Variants in TMEM182 observed in about 807,000 individuals in gnomAD.
TMEM182 encodes transmembrane protein 182.
In TMEM182, 20 loss-of-function variants were observed where a neutral mutation model predicts 26.8. That is an observed-to-expected ratio of 0.75 (90% CI 0.53 to 1.09). TMEM182 has a LOEUF of 1.09. Ranked by LOEUF, TMEM182 falls within the 50% of genes least tolerant of loss-of-function variation. TMEM182 has a pLI of 0.00. For synonymous variants in TMEM182, 109 were observed against 102.2 expected (o/e 1.07, Z -0.40); for missense variants, 277 against 275.5 (o/e 1.01, Z -0.04).
At chr2:102,798,502 G>A (rs1681977747) in intron 4 of TMEM182, among the ~76,000 whole-genome samples, 1 of 152,106 alleles carries the variant, frequency 6.6e-6, no homozygotes, top group African/African-American at 2.4e-5. Flanking sequence ...ATTTATCATA[G>A]GTACAAAAAT....
At chr2:102,782,824 A>AT (rs992522413) in intron 3 of TMEM182, among the ~76,000 whole-genome samples, 3 of 152,052 alleles carry the variant, frequency 2.0e-5, no homozygotes, top group Admixed American at 6.5e-5. Context: ...GCATCAATAT[A>AT]TTTTTTTTCT....
intron 3 of TMEM182, chr2:102,775,622 T>C (rs1388837532): frequency 2.0e-5 from 3 of 152,134 alleles, no homozygotes; most frequent in Non-Finnish European, 2.9e-5. Context: ...GATGACATGA[T>C]TGTATATCTA....
At chr2:102,765,134 A>G (rs981020706) in intron 3 of TMEM182, among the ~76,000 whole-genome samples, 1 of 152,174 alleles carries the variant, frequency 6.6e-6, no homozygotes, top group Non-Finnish European at 1.5e-5. Context: ...AGAACACATA[A>G]ATATATATTA....
chr2:102,757,046 G>A (rs5010053), upstream of TMEM182, among the ~76,000 whole-genome samples: 25,308 of 151,974 alleles, frequency 0.17, 2,185 homozygotes, highest in East Asian at 0.2. Context: ...TCCTGACCTC[G>A]TGATCCACCT....
intron 4 of TMEM182, among the ~76,000 whole-genome samples, chr2:102,805,687 A>G (rs916377781): frequency 1.3e-5 from 2 of 152,154 alleles, no homozygotes; most frequent in African/African-American, 4.8e-5. Context: ...CATATGACAT[A>G]CTATAATGAG....
intron 4 of TMEM182, among the ~76,000 whole-genome samples, chr2:102,800,655 T>C (rs550738927): frequency 6.6e-6 from 1 of 151,960 alleles, no homozygotes; most frequent in African/African-American, 2.4e-5. Flanking sequence ...TTCTTTTTCC[T>C]TGCTTTTTTT....
At chr2:102,793,770 T>C (rs1011703445) in intron 3 of TMEM182, among the ~76,000 whole-genome samples, 1 of 152,224 alleles carries the variant, frequency 6.6e-6, no homozygotes, top group Non-Finnish European at 1.5e-5. Flanking sequence ...TAAATATTTT[T>C]GATCCATGGT....
Position 102,817,665 on chromosome 2 carries a change from A to AATATATTG in TMEM182, c.*2698_*2705dup. The stretch of plus-strand genomic sequence containing the variant: ...TGAAGATTAAATGGAATTATAAAGG[A>AATATATTG]ATATATTGGAGGAAGTGTCAGTGTT... On this transcript the variant is annotated 3_prime_UTR_variant, in exon 5 of 5. Transcript: ENST00000412401. 1.0e-6 allele frequency: 1 copy of AATATATTG among 982,144 alleles called. No homozygotes were observed. The highest frequency in any genetic ancestry group is 1.2e-6 in the Non-Finnish European group (1 of 826,964). The allele number at this position is 982,144 out of a possible 1,614,324, so 60.8% of individuals were successfully genotyped here.
chr2:102,775,990 A>G (rs1189508406), intron 3 of TMEM182, among the ~76,000 whole-genome samples: 1 of 152,140 alleles, frequency 6.6e-6, no homozygotes, highest in Non-Finnish European at 1.5e-5. Flanking sequence ...CCATGTGTTT[A>G]TTGCTAGTAT....
chr2:102,760,146 C>A (rs913313321), upstream of TMEM182, among the ~76,000 whole-genome samples: 1 of 152,074 alleles, frequency 6.6e-6, no homozygotes, highest in South Asian at 2.1e-4. Context: ...TAGGAAAAAA[C>A]CAGAACGGAG....
intron 3 of TMEM182, among the ~76,000 whole-genome samples, chr2:102,777,912 T>G (rs558040740): frequency 6.6e-6 from 1 of 152,112 alleles, no homozygotes; most frequent in Admixed American, 6.5e-5. Context: ...GGTTGAGATT[T>G]GTTTTACAGC....
chr2:102,795,999 G>A lies in TMEM182; in HGVS notation c.332-1864G>A, dbSNP rs376955574. ...ATCATTTGGGATTTTAAGTGCCCAC[G>A]CCTCCACTGGGGCAGCAGTGCAGAC... is the stretch of plus-strand genomic sequence containing the variant. On this transcript the variant is annotated intron_variant, in intron 3 of 4. Transcript: ENST00000412401. Among the ~76,000 whole-genome samples the A allele has an allele frequency of 1.3e-4, 20 of 152,184 alleles. No individual in the cohort carries two copies. The South Asian group carries it at 2.9e-3, about 22-fold the overall frequency.
In TMEM182 at chr2:102,814,939, G is replaced by T. The variant is rs1558787937; in HGVS notation, c.661G>T (p.Val221Phe). ...GCTAGCTGGATTACTATTTCTGGTT[G>T]TTGGATGGCATATTCAGATACATCA... The part of the protein sequence containing the change: ...SLLAGLLFLV[V>F]GWHIQIHH The change falls in exon 5 of 5, where the codon GTT becomes TTT. Residue 221 changes from valine to phenylalanine, a missense_variant. Val to Phe is a conservative substitution (Grantham distance 50). Transcript: ENST00000412401. 6.2e-7 allele frequency: 1 copy of T among 1,613,880 alleles called. No homozygotes were observed.
At position 102,797,929 on chromosome 2, in the gene TMEM182, T is replaced by C. The variant is rs752245325; in HGVS notation, c.398T>C (p.Leu133Ser). ...GVVAVVIASFLIICAAPFASH... is the reference protein window; with the variant it reads ...GVVAVVIASFSIICAAPFASH... Reference sequence around the variant, plus strand: ...GTTGCTGTAGTCATCGCAAGCTTTTTGATCATCTGTGCAGCCCCCTTCGCC... The same window carrying C: ...GTTGCTGTAGTCATCGCAAGCTTTTCGATCATCTGTGCAGCCCCCTTCGCC... The change falls in exon 4 of 5, where the codon TTG becomes TCG. Residue 133 changes from leucine to serine, a missense_variant. Physicochemically the swap from Leu to Ser is moderately radical, Grantham distance 145. Transcript: ENST00000412401. The C allele has an allele frequency of 4.3e-6, 7 of 1,614,162 alleles. No individual in the cohort carries two copies. The South Asian group carries it at 7.7e-5, about 18-fold the overall frequency.
upstream of TMEM182, among the ~76,000 whole-genome samples, chr2:102,760,091 A>G (rs1353676174): frequency 6.9e-6 from 1 of 145,620 alleles, no homozygotes; most frequent in African/African-American, 2.5e-5. Flanking sequence ...GAATATACCC[A>G]GAATATTTTA....
chr2:102,749,426 A>C (rs1173416246), intron 1 of TMEM182, among the ~76,000 whole-genome samples: 1 of 152,190 alleles, frequency 6.6e-6, no homozygotes, highest in African/African-American at 2.4e-5. Flanking sequence ...CCCGGACCTG[A>C]GGGTGAATTG....
At chr2:102,768,673 C>T (rs1349055692) in intron 3 of TMEM182, among the ~76,000 whole-genome samples, 1 of 152,170 alleles carries the variant, frequency 6.6e-6, no homozygotes, top group Admixed American at 6.5e-5. Context: ...TGCACTCCAG[C>T]CTGGGCAACA....
At chr2:102,775,675 G>A (rs1171889037) in intron 3 of TMEM182, among the ~76,000 whole-genome samples, 3 of 152,202 alleles carry the variant, frequency 2.0e-5, no homozygotes, top group African/African-American at 4.8e-5. Context: ...TAAGCTGATA[G>A]GCAACTTCAG....
intron 1 of TMEM182, among the ~76,000 whole-genome samples, chr2:102,754,459 T>C (rs550160880): frequency 7.2e-5 from 11 of 152,146 alleles, no homozygotes; most frequent in Non-Finnish European, 1.5e-4. Context: ...ATTGTACACC[T>C]ACAACATACT....
Sources: gnomAD v4.1 joint callset for allele counts (sites outside exome capture counted in the v4.1 genomes callset) on GRCh38, gnomAD v4.1.1 for gene constraint, MANE v1.5 for transcripts, NCBI Gene and HGNC (gene_info 2026-07-23, HGNC 2026-07-21) for gene names.